The following SAMHD1 variants were observed in gnomAD, a reference collection of about 807,000 sequenced individuals.
SAMHD1 encodes deoxynucleoside triphosphate triphosphohydrolase SAMHD1.
Under a neutral mutation model 79.6 loss-of-function variants are expected in SAMHD1, and 54 were observed. That is an observed-to-expected ratio of 0.68 (90% confidence interval 0.55 to 0.85). The LOEUF is 0.85. SAMHD1 is among the 40% of genes least tolerant of loss of function. The pLI, the probability that SAMHD1 is intolerant of heterozygous loss-of-function variation, is 0.00. For missense variants in SAMHD1, 663 were observed against 782.7 expected (o/e 0.85, Z 1.82); for synonymous variants, 260 against 264.1 (o/e 0.98, Z 0.15).
At chr20:36,921,088 A>C (rs992700231) in intron 6 of SAMHD1, among the ~76,000 whole-genome samples, 7 of 152,088 alleles carry the variant, frequency 4.6e-5, no homozygotes, top group Admixed American at 2.0e-4. Flanking sequence ...TGTCTCCAAA[A>C]AACAACAACA....
At chr20:36,915,168 ACTCCAC>A (rs2063467533) in intron 9 of SAMHD1, among the ~76,000 whole-genome samples, 1 of 151,770 alleles carries the variant, frequency 6.6e-6, no homozygotes, top group Non-Finnish European at 1.5e-5. Context: ...ACACAGTGAA[ACTCCAC>A]CTCTGTAAAA....
chr20:36,923,191 C>T (rs1006220064), intron 6 of SAMHD1, among the ~76,000 whole-genome samples: 4 of 151,238 alleles, frequency 2.6e-5, no homozygotes, highest in Admixed American at 6.6e-5. Flanking sequence ...TTAGTAGAGA[C>T]GGGATTTCAC....
At chr20:36,936,740 G>A (rs2063606032) in intron 3 of SAMHD1, among the ~76,000 whole-genome samples, 1 of 151,748 alleles carries the variant, frequency 6.6e-6, no homozygotes, top group African/African-American at 2.4e-5. Context: ...AGTACAATCA[G>A]GGCTCATTGT....
chr20:36,898,640 G>A (rs779903425), intron 13 of SAMHD1, 96 bp from the exon 14 acceptor site: 70 of 940,158 alleles, frequency 7.4e-5, no homozygotes, highest in Admixed American at 9.5e-5. Context: ...GAGGCCGGGC[G>A]CAGTAGCTCA....
At chr20:36,947,417 T>TGTGA (rs1258794924) in intron 1 of SAMHD1, among the ~76,000 whole-genome samples, 1 of 141,558 alleles carries the variant, frequency 7.1e-6, no homozygotes, top group Admixed American at 7.1e-5. Context: ...TGTGTGTGTG[T>TGTGA]GTGTGTGTGT....
At chr20:36,939,075 C>CAAAAAAAAAAAAAAAA (rs1178988134) in intron 3 of SAMHD1, among the ~76,000 whole-genome samples, 7 of 22,536 alleles carry the variant, frequency 3.1e-4, no homozygotes, top group Non-Finnish European at 3.5e-4. Context: ...CTAAAAATAC[C>CAAAAAAAAAAAAAAAA]AAAAAAAAAA....
intron 15 of SAMHD1, chr20:36,894,009 A>G (rs1458874486): frequency 2.3e-5 from 9 of 398,232 alleles, no homozygotes; most frequent in Non-Finnish European, 3.5e-5. Flanking sequence ...GGCAGTGACT[A>G]TTCTGTGGTT....
chr20:36,938,338 G>A (rs1182781612), intron 3 of SAMHD1, among the ~76,000 whole-genome samples: 5 of 152,138 alleles, frequency 3.3e-5, no homozygotes, highest in African/African-American at 9.6e-5. Context: ...TCAGGAGTTC[G>A]AGGCCAGCCT....
At chr20:36,904,126 C>G (rs1294093287) in intron 13 of SAMHD1, 31 bp downstream of exon 13, 1 of 1,382,438 alleles carries the variant, frequency 7.2e-7, no homozygotes, top group East Asian at 2.3e-5. Flanking sequence ...AAAACGTATT[C>G]ACTCAGTTTA....
chr20:36,908,755 G>T (rs991348698), intron 11 of SAMHD1, among the ~76,000 whole-genome samples: 1 of 152,136 alleles, frequency 6.6e-6, no homozygotes, highest in East Asian at 1.9e-4. Context: ...GCTAGTTTAG[G>T]TTTCATTCTG....
chr20:36,942,813 ATTTCTTTTTTG>A (rs2063656197), intron 2 of SAMHD1, among the ~76,000 whole-genome samples: 1 of 151,708 alleles, frequency 6.6e-6, no homozygotes, highest in Admixed American at 6.6e-5. Flanking sequence ...TGCCCAGCTA[ATTTCTTTTTTG>A]TTTTTGTATT....
chr20:36,926,633 A>T (rs2063538082), intron 6 of SAMHD1, among the ~76,000 whole-genome samples: 1 of 152,204 alleles, frequency 6.6e-6, no homozygotes, highest in Admixed American at 6.6e-5. Context: ...AGTTTTCAAT[A>T]TATATTAATA....
At chr20:36,898,576 A>G (rs370104763) in intron 13 of SAMHD1, 32 bp from the exon 14 acceptor site, 6 of 1,519,784 alleles carry the variant, frequency 3.9e-6, no homozygotes, top group Non-Finnish European at 5.5e-6. Context: ...GTAATCATAT[A>G]GCAAGCAGGA....
rs1269278007 is a variant in SAMHD1 at position 36,892,936 on chromosome 20, A to T, written c.1877T>A (p.Met626Lys). The T allele has an allele frequency of 1.2e-6, 2 of 1,613,948 alleles. No homozygotes were observed. Among genetic ancestry groups the T allele is most frequent in the Admixed American group, 1.7e-5 (1 of 59,992 alleles). Residue 626 changes from methionine (M) to lysine (K), a missense_variant, in exon 16 of 16, where the codon ATG becomes AAG. Met to Lys is a moderately conservative substitution (Grantham distance 95, BLOSUM62 -1). Transcript: ENST00000646673. ...TAAACAACTGACTACAGACATTCACATTGGGTCATCTTTAAAAAGCTGGAC... is the reference window on the plus strand; with the variant it reads ...TAAACAACTGACTACAGACATTCACTTTGGGTCATCTTTAAAAAGCTGGAC... ...SRVQLFKDDP[M>K]
chr20:36,903,082 GAAGA>G (rs1262460653), intron 13 of SAMHD1, among the ~76,000 whole-genome samples: 1 of 152,144 alleles, frequency 6.6e-6, no homozygotes, highest in African/African-American at 2.4e-5. Flanking sequence ...TGACAAGCTC[GAAGA>G]AAGTGAGGAC....
chr20:36,917,505 G>C (rs2063482924), intron 7 of SAMHD1, among the ~76,000 whole-genome samples: 1 of 152,104 alleles, frequency 6.6e-6, no homozygotes, highest in African/African-American at 2.4e-5. Flanking sequence ...CACAAAATTA[G>C]TTGGGCATGG....
chr20:36,927,826 T>TTTC (rs1241636389), intron 5 of SAMHD1, among the ~76,000 whole-genome samples: 3 of 152,122 alleles, frequency 2.0e-5, no homozygotes, highest in Non-Finnish European at 4.4e-5. Flanking sequence ...TTTTTGTTGT[T>TTTC]TTTTGAAGAG....
intron 2 of SAMHD1, among the ~76,000 whole-genome samples, chr20:36,944,295 G>A (rs1332841225): frequency 1.3e-5 from 2 of 150,702 alleles, no homozygotes; most frequent in Non-Finnish European, 3.0e-5. Flanking sequence ...CTCCAGCCTG[G>A]GCAACAGAGT....
intron 2 of SAMHD1, among the ~76,000 whole-genome samples, chr20:36,946,220 G>A (rs2146150645): frequency 6.6e-6 from 1 of 152,148 alleles, no homozygotes; most frequent in African/African-American, 2.4e-5. Flanking sequence ...ACACCATCCT[G>A]GCTAACATGG....
Sources: allele counts gnomAD v4.1 joint callset (sites outside exome capture counted in the v4.1 genomes callset), GRCh38; gene constraint gnomAD v4.1.1; transcripts MANE v1.5; gene names NCBI Gene and HGNC (gene_info 2026-07-23, HGNC 2026-07-21).